Variants in GALNT17 observed in about 807,000 individuals in gnomAD.
GALNT17 encodes the protein UDP-GalNAc:polypeptide N-acetylgalactosaminyltransferase-like 3.
A neutral mutation model predicts 63.7 loss-of-function variants in GALNT17; 29 were observed. The ratio of observed to expected loss-of-function variants is 0.46; its 90% CI spans 0.34 to 0.62. GALNT17 has a LOEUF of 0.62. Ranked by LOEUF, GALNT17 falls within the 20% of genes least tolerant of loss-of-function variation. GALNT17 has a pLI of 0.01. For missense variants in GALNT17, 603 were observed against 799.6 expected (o/e 0.75, Z 2.97); for synonymous variants, 305 against 318.3 (o/e 0.96, Z 0.45).
At chr7:71,548,645 T>G (rs915621946) in intron 5 of GALNT17, among the ~76,000 whole-genome samples, 1 of 152,238 alleles carries the variant, frequency 6.6e-6, no homozygotes, top group African/African-American at 2.4e-5. Flanking sequence ...CTTCACCTTC[T>G]GCCACGATCG....
At chr7:71,429,809 C>A (rs149013748) in intron 5 of GALNT17, among the ~76,000 whole-genome samples, 1 of 152,162 alleles carries the variant, frequency 6.6e-6, no homozygotes, top group African/African-American at 2.4e-5. Context: ...TGGGTTCAAG[C>A]GATTCTCCTA....
At chr7:71,606,645 G>C (rs900410230) in intron 6 of GALNT17, among the ~76,000 whole-genome samples, 3 of 152,094 alleles carry the variant, frequency 2.0e-5, no homozygotes, top group Admixed American at 6.5e-5. Context: ...TGTTCTCCTA[G>C]TATATAAACA....
chr7:71,256,809 G>A (rs1236577556), intron 1 of GALNT17, among the ~76,000 whole-genome samples: 2 of 152,154 alleles, frequency 1.3e-5, no homozygotes, highest in African/African-American at 4.8e-5. Context: ...TCAGTAGCTC[G>A]GTACTATTGA....
At chr7:71,532,091 C>G (rs981826309) in intron 5 of GALNT17, among the ~76,000 whole-genome samples, 1 of 152,094 alleles carries the variant, frequency 6.6e-6, no homozygotes, top group African/African-American at 2.4e-5. Context: ...CTGGGAGCAC[C>G]AGAAGCTGGA....
At chr7:71,589,347 A>G (rs1789764731) in intron 6 of GALNT17, among the ~76,000 whole-genome samples, 1 of 152,120 alleles carries the variant, frequency 6.6e-6, no homozygotes, top group African/African-American at 2.4e-5. Context: ...AGAGGCTAAG[A>G]CAGGAGAATC....
chr7:71,464,732 A>G (rs1213429158), intron 5 of GALNT17, among the ~76,000 whole-genome samples: 1 of 152,290 alleles, frequency 6.6e-6, no homozygotes, highest in Admixed American at 6.5e-5. Context: ...TCAAGACTCC[A>G]AAAACCTTGG....
At chr7:71,411,216 G>T (rs552750121) in intron 3 of GALNT17, among the ~76,000 whole-genome samples, 63 of 152,188 alleles carry the variant, frequency 4.1e-4, no homozygotes, top group African/African-American at 1.5e-3. Context: ...TGCCCCCTGG[G>T]TTCAAGCGAT....
chr7:71,410,989 G>A (rs899588199), intron 3 of GALNT17, among the ~76,000 whole-genome samples: 2 of 152,176 alleles, frequency 1.3e-5, no homozygotes, highest in African/African-American at 4.8e-5. Flanking sequence ...TTGCAGAAAT[G>A]AGTTTCTGTT....
chr7:71,251,095 G>A (rs574298776), intron 1 of GALNT17, among the ~76,000 whole-genome samples: 53 of 152,066 alleles, frequency 3.5e-4, no homozygotes, highest in African/African-American at 1.2e-3. Flanking sequence ...GTATACATTC[G>A]CCATGTTGGT....
chr7:71,408,494 G>A (rs892946127), intron 3 of GALNT17, among the ~76,000 whole-genome samples: 1 of 152,188 alleles, frequency 6.6e-6, no homozygotes, highest in Non-Finnish European at 1.5e-5. Flanking sequence ...GCAGAAGGCA[G>A]GACCATATGG....
At chr7:71,194,463 G>A (rs1789009286) in intron 1 of GALNT17, among the ~76,000 whole-genome samples, 3 of 152,276 alleles carry the variant, frequency 2.0e-5, no homozygotes, top group South Asian at 4.2e-4. Flanking sequence ...CTGTTCCCTG[G>A]CAGATACAGT....
chr7:71,338,026 A>C lies in GALNT17; in HGVS notation c.422+2293A>C, dbSNP rs368938827. ...ATCAGCCTGGGCAACATGGCAAAGC[A>C]TTGTCTCTACAAAAAACCTAAAAAT... On this transcript the variant is annotated intron_variant, in intron 2 of 10. Coordinates refer to ENST00000333538, the MANE Select transcript of GALNT17 (RefSeq NM_022479.3). Among the ~76,000 whole-genome samples, 8 of 151,874 alleles carry C rather than the reference A, an allele frequency of 5.3e-5. No homozygotes were observed. The East Asian group carries it at 1.2e-3, about 22-fold the overall frequency.
chr7:71,612,474 C>A (rs370353317), intron 6 of GALNT17, among the ~76,000 whole-genome samples: 1 of 152,168 alleles, frequency 6.6e-6, no homozygotes, highest in African/African-American at 2.4e-5. Flanking sequence ...TAAAGGAATG[C>A]GTAAAGAAGA....
intron 5 of GALNT17, among the ~76,000 whole-genome samples, chr7:71,458,886 A>G (rs1428878091): frequency 6.6e-6 from 1 of 151,988 alleles, no homozygotes; most frequent in Admixed American, 6.6e-5. Context: ...ATATGGGTAC[A>G]GGGTAGGGGG....
intron 2 of GALNT17, among the ~76,000 whole-genome samples, chr7:71,375,468 G>A (rs934616883): frequency 1.3e-5 from 2 of 152,100 alleles, no homozygotes; most frequent in Non-Finnish European, 2.9e-5. Flanking sequence ...AGGCTGGAGT[G>A]CAGTGGTGCA....
chr7:71,202,021 AT>A (rs575546511), intron 1 of GALNT17, among the ~76,000 whole-genome samples: 198 of 152,150 alleles, frequency 1.3e-3, no homozygotes, highest in Middle Eastern at 3.4e-3. Context: ...GTTTTAAGGT[AT>A]TTTTTACTCC....
intron 6 of GALNT17, among the ~76,000 whole-genome samples, chr7:71,640,282 C>G (rs1291553474): frequency 6.6e-6 from 1 of 152,096 alleles, no homozygotes; most frequent in East Asian, 1.9e-4. Flanking sequence ...CTTGTATTTG[C>G]AGGAAGATTT....
rs1167425571 is a variant in GALNT17 at position 71,405,621 on chromosome 7, G to A, written c.590-10268G>A. Among the ~76,000 whole-genome samples, 3 of 152,140 alleles carry A rather than the reference G, an allele frequency of 2.0e-5. No individual in the cohort carries two copies. The East Asian group carries it at 5.8e-4, about 29-fold the overall frequency. On this transcript the variant is annotated intron_variant, in intron 3 of 10. Coordinates refer to ENST00000333538, the MANE Select transcript of GALNT17 (RefSeq NM_022479.3). ...TAATTTATAAACAGTGAAATGTATT[G>A]CTCACAATTCAGGGGGCTGGGAAGT...
At chr7:71,435,745 C>T (rs1563090929) in intron 5 of GALNT17, among the ~76,000 whole-genome samples, 1 of 152,080 alleles carries the variant, frequency 6.6e-6, no homozygotes, top group African/African-American at 2.4e-5. Context: ...CCCAGCCAGG[C>T]GCAATGGCTC....
Sources: allele counts gnomAD v4.1 joint callset (sites outside exome capture counted in the v4.1 genomes callset), GRCh38; gene constraint gnomAD v4.1.1; transcripts MANE v1.5; gene names NCBI Gene and HGNC (gene_info 2026-07-23, HGNC 2026-07-21).